NDST4: variants seen among roughly 807,000 people sequenced by gnomAD.
The protein encoded by NDST4 is N-heparan sulfate sulfotransferase 4.
Under a neutral mutation model 100.8 loss-of-function variants are expected in NDST4, and 63 were observed. That is an observed-to-expected ratio of 0.62 (90% CI 0.51 to 0.77). NDST4 has a LOEUF of 0.77. NDST4 is among the 30% of genes least tolerant of loss of function. NDST4 has a pLI of 0.00. For synonymous variants in NDST4, 377 were observed against 361.8 expected, an observed-to-expected ratio of 1.04 and a Z score of -0.48; for missense variants, 943 against 1,018.4, an observed-to-expected ratio of 0.93 and a Z score of 1.01.
At chr4:114,910,176 C>T (rs1725035355) in intron 6 of NDST4, among the ~76,000 whole-genome samples, 1 of 152,236 alleles carries the variant, frequency 6.6e-6, no homozygotes, top group South Asian at 2.1e-4. Context: ...TATGTCAGAG[C>T]ACATTCTCTC....
intron 2 of NDST4, among the ~76,000 whole-genome samples, chr4:115,069,019 A>G (rs576730138): frequency 6.6e-6 from 1 of 152,204 alleles, no homozygotes; most frequent in South Asian, 2.1e-4. Flanking sequence ...TGACTTATAT[A>G]CATAAAGATG....
At chr4:115,039,064 T>G (rs2126273169) in intron 2 of NDST4, among the ~76,000 whole-genome samples, 1 of 151,814 alleles carries the variant, frequency 6.6e-6, no homozygotes, top group East Asian at 1.9e-4. Flanking sequence ...TTACTTTAGA[T>G]AAACTGAAAA....
rs1258314939 is a variant in NDST4 at position 114,833,605 on chromosome 4, C to G, written c.2396+1G>C. On this transcript the variant is annotated splice_donor_variant, in intron 12 of 13. Transcript: ENST00000264363. LOFTEE classifies it high-confidence loss of function. ...GAAATCAAGCATGACAATAGACTCA[C>G]GTTAGTGCTTCAGAGTAATTATAAC... The G allele has an allele frequency of 1.3e-6, 2 of 1,583,850 alleles. No homozygotes were observed. Among genetic ancestry groups the G allele is most frequent in the South Asian group, 1.1e-5 (1 of 90,174 alleles).
rs190791891 is a variant in NDST4, at chr4:114,952,778, A to G, written c.1222-15275T>C. On this transcript the variant is annotated intron_variant, in intron 4 of 13. Transcript: ENST00000264363. ...ATTGCCAATGGGTACCTAAAGAAAG[A>G]GAAATAGAAAATATGTTTTCTTGTT... is the stretch of plus-strand genomic sequence containing the variant. 7.9e-5 allele frequency among the ~76,000 whole-genome samples: 12 copies of G among 152,226 alleles called. No individual in the cohort carries two copies. In the East Asian group the frequency reaches 2.3e-3, roughly 29 times the overall value.
At chr4:115,026,441 A>ACG (rs1217435991) in intron 2 of NDST4, among the ~76,000 whole-genome samples, 1 of 151,726 alleles carries the variant, frequency 6.6e-6, no homozygotes, top group East Asian at 1.9e-4. Context: ...ACACACACAC[A>ACG]CACACACACA....
intron 2 of NDST4, among the ~76,000 whole-genome samples, chr4:115,019,415 C>T (rs1727759129): frequency 6.6e-6 from 1 of 152,030 alleles, no homozygotes; most frequent in Non-Finnish European, 1.5e-5. Flanking sequence ...GGTGACCCAG[C>T]CTAATCTTTT....
chr4:114,909,664 C>A (rs1188014300), intron 6 of NDST4, among the ~76,000 whole-genome samples: 4 of 87,428 alleles, frequency 4.6e-5, no homozygotes, highest in African/African-American at 3.1e-4. Flanking sequence ...AGCGAGACTC[C>A]GTCTCAAAAA....
At chr4:115,011,749 C>T (rs1727552315) in intron 2 of NDST4, among the ~76,000 whole-genome samples, 1 of 151,844 alleles carries the variant, frequency 6.6e-6, no homozygotes, top group Non-Finnish European at 1.5e-5. Context: ...TCCAATATAG[C>T]TTCCTCAAGA....
chr4:115,003,125 T>C (rs188081529), intron 2 of NDST4, among the ~76,000 whole-genome samples: 547 of 152,152 alleles, frequency 3.6e-3, no homozygotes, highest in Middle Eastern at 6.8e-3. Context: ...AAATACATAA[T>C]GCATGCGGGG....
At chr4:115,083,451 C>T (rs142241721) in intron 1 of NDST4, among the ~76,000 whole-genome samples, 3 of 152,086 alleles carry the variant, frequency 2.0e-5, no homozygotes, top group African/African-American at 7.2e-5. Flanking sequence ...CAGAGGGATA[C>T]CCTGTCTGGA....
chr4:115,102,604 T>A (rs750651481), intron 1 of NDST4, among the ~76,000 whole-genome samples: 3 of 151,260 alleles, frequency 2.0e-5, no homozygotes, highest in Non-Finnish European at 4.4e-5. Context: ...GTCACTTCCA[T>A]CATCATAAAT....
chr4:115,033,543 A>G (rs1359311491), intron 2 of NDST4, among the ~76,000 whole-genome samples: 1 of 151,374 alleles, frequency 6.6e-6, no homozygotes, highest in Non-Finnish European at 1.5e-5. Flanking sequence ...TCTATCTATA[A>G]TTTATTTGAT....
At chr4:114,876,152 G>A (rs1324903805) in intron 6 of NDST4, among the ~76,000 whole-genome samples, 6 of 152,038 alleles carry the variant, frequency 3.9e-5, no homozygotes, top group Non-Finnish European at 8.8e-5. Context: ...CCTGTTTTAG[G>A]GCAGCTTGCT....
intron 7 of NDST4, among the ~76,000 whole-genome samples, chr4:114,869,188 T>A (rs891762432): frequency 6.6e-6 from 1 of 151,574 alleles, no homozygotes; most frequent in African/African-American, 2.4e-5. Context: ...CCAAACATAT[T>A]AATAAATACA....
rs540675052 is a variant in NDST4, at chr4:114,852,380, C to T, written c.1816+345G>A. 2.0e-5 allele frequency among the ~76,000 whole-genome samples: 3 copies of T among 152,052 alleles called. No homozygotes were observed. In the East Asian group the frequency reaches 5.8e-4, roughly 29 times the overall value. On this transcript the variant is annotated intron_variant, in intron 8 of 13. Transcript: ENST00000264363. ...GGCCAAAACATGTTTTTATAAATTG[C>T]TTTAGAAATTAATTAAATAAAGCCA...
At chr4:114,964,713 G>A (rs565794407) in intron 4 of NDST4, among the ~76,000 whole-genome samples, 6 of 152,128 alleles carry the variant, frequency 3.9e-5, no homozygotes, top group Admixed American at 3.3e-4. Flanking sequence ...GAACTTATTC[G>A]TCTTGACTAA....
intron 3 of NDST4, among the ~76,000 whole-genome samples, chr4:114,971,882 A>G (rs1726522573): frequency 6.6e-6 from 1 of 152,022 alleles, no homozygotes. Context: ...GTGATCTTGG[A>G]CAAGTTAACC....
intron 6 of NDST4, among the ~76,000 whole-genome samples, chr4:114,889,453 C>T (rs1038223469): frequency 6.6e-6 from 1 of 152,008 alleles, no homozygotes; most frequent in African/African-American, 2.4e-5. Flanking sequence ...ATCAGAAGAC[C>T]ATGATCATAA....
chr4:114,846,023 T>A, intron 9 of NDST4, 26 bp from the exon 10 acceptor site: 1 of 1,520,812 alleles, frequency 6.6e-7, no homozygotes, highest in Non-Finnish European at 9.0e-7. Flanking sequence ...GACAATTAAT[T>A]AATCTGAAAA....
Sources: allele counts gnomAD v4.1 joint callset (sites outside exome capture counted in the v4.1 genomes callset), GRCh38; gene constraint gnomAD v4.1.1; transcripts MANE v1.5; gene names NCBI Gene and HGNC (gene_info 2026-07-23, HGNC 2026-07-21).